PTPRN2: variants seen among roughly 807,000 people sequenced by gnomAD.
PTPRN2 encodes the protein protein tyrosine phosphatase receptor type N2.
In PTPRN2, 74 loss-of-function variants were observed where a neutral mutation model predicts 118.8. The ratio of observed to expected loss-of-function variants is 0.62; its 90% CI spans 0.52 to 0.76. PTPRN2 has a LOEUF of 0.76. PTPRN2 is among the 30% of genes least tolerant of loss of function. PTPRN2 has a pLI of 0.00. For missense variants in PTPRN2, 1,481 were observed against 1,394.4 expected, an observed-to-expected ratio of 1.06 and a Z score of -0.99; for synonymous variants, 641 against 608.0, an observed-to-expected ratio of 1.05 and a Z score of -0.80.
chr7:157,896,306 T>C (rs978140320), intron 12 of PTPRN2, among the ~76,000 whole-genome samples: 2 of 149,476 alleles, frequency 1.3e-5, no homozygotes, highest in African/African-American at 5.0e-5. Flanking sequence ...GCCTGGACAT[T>C]ACAAGTGCCC....
intron 3 of PTPRN2, among the ~76,000 whole-genome samples, chr7:158,270,641 C>T (rs1798252717): frequency 6.6e-6 from 1 of 152,098 alleles, no homozygotes; most frequent in African/African-American, 2.4e-5. Flanking sequence ...CTGTTAGCTG[C>T]AGAAGGGCCA....
chr7:158,023,524 A>C (rs956500523), intron 11 of PTPRN2, among the ~76,000 whole-genome samples: 6 of 152,180 alleles, frequency 3.9e-5, no homozygotes, highest in Non-Finnish European at 8.8e-5. Flanking sequence ...ATTCTGCAGC[A>C]CTGTCCCATC....
chr7:157,620,426 G>C (rs1475166976), intron 15 of PTPRN2, among the ~76,000 whole-genome samples: 1 of 152,208 alleles, frequency 6.6e-6, no homozygotes, highest in Non-Finnish European at 1.5e-5. Flanking sequence ...TCCCTAGCTA[G>C]GTAGTAGGTG....
intron 2 of PTPRN2, among the ~76,000 whole-genome samples, chr7:158,473,258 C>G (rs939201532): frequency 3.9e-5 from 6 of 152,190 alleles, no homozygotes; most frequent in Admixed American, 1.3e-4. Context: ...GCAGATTTCT[C>G]TAAACACTGC....
At chr7:158,383,928 T>G (rs1210997134) in intron 2 of PTPRN2, among the ~76,000 whole-genome samples, 1 of 152,226 alleles carries the variant, frequency 6.6e-6, no homozygotes, top group East Asian at 1.9e-4. Flanking sequence ...CCGGAAAGCG[T>G]GATCACACTG....
intron 3 of PTPRN2, among the ~76,000 whole-genome samples, chr7:158,226,283 A>G (rs1334701267): frequency 6.7e-6 from 1 of 149,550 alleles, no homozygotes; most frequent in Non-Finnish European, 1.5e-5. Context: ...GGATAGTTTG[A>G]GAAGCAGAAT....
intron 12 of PTPRN2, chr7:157,857,941 C>T (rs537224573): frequency 5.8e-5 from 9 of 154,878 alleles, no homozygotes; most frequent in East Asian, 3.8e-4. Context: ...GGAACAGACA[C>T]GTACTCAAAG....
At chr7:158,547,131 GTTTT>G (rs1211365626) in intron 1 of PTPRN2, among the ~76,000 whole-genome samples, 1 of 151,986 alleles carries the variant, frequency 6.6e-6, no homozygotes, top group Non-Finnish European at 1.5e-5. Context: ...TGGGGGCTTT[GTTTT>G]TTTTAACTAA....
rs1339942341 is a variant in PTPRN2 at position 157,619,484 on chromosome 7, G to A, written c.2344+1878C>T. ...GTGGCCAGGCCCCCAGAGCCTGTTAGTAGCCCCCGACACAGGGCCGGTGCT... is the reference window on the plus strand; with the variant it reads ...GTGGCCAGGCCCCCAGAGCCTGTTAATAGCCCCCGACACAGGGCCGGTGCT... On this transcript the variant is annotated intron_variant, in intron 15 of 22. Transcript: ENST00000389418. This position sits in a 1 kb window ranked among gnomAD's most constrained non-coding sequence, Gnocchi z 5.3. Among the ~76,000 whole-genome samples, 1 of 152,214 alleles carries A rather than the reference G, an allele frequency of 6.6e-6. No homozygotes were observed. The highest frequency in any genetic ancestry group is 1.5e-5 in the Non-Finnish European group (1 of 68,032).
At chr7:158,201,143 C>CT (rs1826617912) in intron 4 of PTPRN2, among the ~76,000 whole-genome samples, 1 of 151,880 alleles carries the variant, frequency 6.6e-6, no homozygotes, top group African/African-American at 2.4e-5. Flanking sequence ...CTCAATCCCC[C>CT]GGGCTCAGGT....
intron 1 of PTPRN2, among the ~76,000 whole-genome samples, chr7:158,545,803 G>C (rs996926687): frequency 1.3e-5 from 2 of 152,082 alleles, no homozygotes; most frequent in East Asian, 1.9e-4. Context: ...GTTCAAGACC[G>C]GTCTGGCCAA....
chr7:157,722,209 G>A (rs148603131), intron 12 of PTPRN2, among the ~76,000 whole-genome samples: 4 of 152,350 alleles, frequency 2.6e-5, no homozygotes, highest in African/African-American at 7.2e-5. Flanking sequence ...CACGGCTGGT[G>A]GGAAGACGGG....
chr7:158,503,167 C>T (rs949683402), intron 1 of PTPRN2, among the ~76,000 whole-genome samples: 6 of 151,626 alleles, frequency 4.0e-5, no homozygotes, highest in Non-Finnish European at 7.4e-5. Context: ...CCATCAGCCA[C>T]TGTGTCCATC....
chr7:157,664,654 G>T (rs763706201), intron 13 of PTPRN2, among the ~76,000 whole-genome samples: 2 of 152,124 alleles, frequency 1.3e-5, no homozygotes, highest in Non-Finnish European at 2.9e-5. Flanking sequence ...AGCTACTTGA[G>T]AGGCCGAGGT....
chr7:158,281,150 A>G (rs1799398497), intron 3 of PTPRN2, among the ~76,000 whole-genome samples: 2 of 152,146 alleles, frequency 1.3e-5, no homozygotes, highest in African/African-American at 4.8e-5. Context: ...TAAAAATACA[A>G]AAGTTAGCCG....
intron 2 of PTPRN2, among the ~76,000 whole-genome samples, chr7:158,435,795 C>A (rs1816531904): frequency 6.6e-6 from 1 of 152,182 alleles, no homozygotes; most frequent in Non-Finnish European, 1.5e-5. Context: ...ACCTGGAAGA[C>A]ATGAGCTGAG....
intron 1 of PTPRN2, among the ~76,000 whole-genome samples, chr7:158,575,781 C>G (rs895655271): frequency 6.6e-6 from 1 of 152,078 alleles, no homozygotes; most frequent in Non-Finnish European, 1.5e-5. Context: ...CAGAAGGGCA[C>G]TAAATCAACA....
intron 11 of PTPRN2, among the ~76,000 whole-genome samples, chr7:158,026,701 C>T (rs947469466): frequency 2.0e-5 from 3 of 152,152 alleles, no homozygotes; most frequent in Non-Finnish European, 4.4e-5. Context: ...AAAGCTGCCC[C>T]CTGAGCCCCA....
chr7:158,312,676 C>T (rs1268081334), intron 3 of PTPRN2, among the ~76,000 whole-genome samples: 1 of 150,650 alleles, frequency 6.6e-6, no homozygotes, highest in African/African-American at 2.4e-5. Flanking sequence ...CCTGCCTGCA[C>T]ACATGCATGC....
Sources: gnomAD v4.1 joint callset for allele counts (sites outside exome capture counted in the v4.1 genomes callset) on GRCh38, gnomAD v4.1.1 for gene constraint, Gnocchi (gnomAD v3.1) non-coding constraint, MANE v1.5 for transcripts, NCBI Gene and HGNC (gene_info 2026-07-23, HGNC 2026-07-21) for gene names.